TBC1D32: variants seen among roughly 807,000 people sequenced by gnomAD.
TBC1D32 encodes the protein TBC1 domain family member 32.
TBC1D32 carries 151 observed loss-of-function variants against 170.3 expected under a neutral mutation model. The observed-to-expected ratio is 0.89, with a 90% CI of 0.78 to 1.01. The LOEUF is 1.01. Ranked by LOEUF, TBC1D32 falls within the 50% of genes least tolerant of loss-of-function variation. TBC1D32 has a pLI of 0.00. For missense variants in TBC1D32, 1,464 were observed against 1,457.1 expected, an observed-to-expected ratio of 1.00 and a Z score of -0.08; for synonymous variants, 498 against 488.0, an observed-to-expected ratio of 1.02 and a Z score of -0.27.
At chr6:121,161,145 G>A (rs1447452494) in intron 22 of TBC1D32, 89 bp from the exon 23 acceptor site, 5 of 990,610 alleles carry the variant, frequency 5.0e-6, no homozygotes, top group African/African-American at 1.7e-5. Context: ...AAAGAAAAAA[G>A]GCAAAAATAT....
intron 24 of TBC1D32, among the ~76,000 whole-genome samples, chr6:121,159,671 T>G (rs776411093): frequency 6.6e-6 from 1 of 152,168 alleles, no homozygotes; most frequent in Non-Finnish European, 1.5e-5. Flanking sequence ...CTATACAGCA[T>G]GTTACTGTAC....
At position 121,168,712 on chromosome 6, in the gene TBC1D32, TAAAAAAA is replaced by T. The variant is rs59283869; in HGVS notation, c.2571-7663_2571-7657del. Among the ~76,000 whole-genome samples the T allele has an allele frequency of 5.0e-4, 47 of 93,902 alleles. 2 individuals carry two copies. Among genetic ancestry groups the T allele is most frequent in the African/African-American group, 1.4e-3 (39 of 27,788 alleles). The allele number at this position is 93,902 out of a possible 152,430, so 61.6% of individuals were successfully genotyped here. A position where few individuals can be genotyped will look rare whatever the true frequency, so the allele number is the denominator to read the frequency against. On this transcript the variant is annotated intron_variant, in intron 22 of 31. Coordinates refer to ENST00000398212, the MANE Select transcript of TBC1D32 (RefSeq NM_152730.6). ...ATGTACCCTAAAACTTAGAGTATAATAAAAAAAAAAAAAAAAAAAAAATCAACATGCA... is the reference window on the plus strand; with the variant it reads ...ATGTACCCTAAAACTTAGAGTATAATAAAAAAAAAAAAAAATCAACATGCA...
intron 10 of TBC1D32, among the ~76,000 whole-genome samples, chr6:121,296,750 AC>A (rs1156891559): frequency 1.3e-5 from 2 of 151,486 alleles, no homozygotes; most frequent in African/African-American, 4.8e-5. Flanking sequence ...AAAAAACAAA[AC>A]AAAACAAAGT....
At chr6:121,093,611 C>T (rs1777066271) in intron 30 of TBC1D32, among the ~76,000 whole-genome samples, 2 of 152,156 alleles carry the variant, frequency 1.3e-5, no homozygotes, top group African/African-American at 4.8e-5. Context: ...GTCTCAGCTT[C>T]TGTCCACCAT....
At chr6:121,085,577 T>C (rs1776178625) in intron 31 of TBC1D32, among the ~76,000 whole-genome samples, 1 of 151,854 alleles carries the variant, frequency 6.6e-6, no homozygotes, top group African/African-American at 2.4e-5. Context: ...CACAGTTTTA[T>C]GTATTTTAAA....
intron 26 of TBC1D32, among the ~76,000 whole-genome samples, chr6:121,122,089 G>A (rs1780327585): frequency 6.6e-6 from 1 of 151,726 alleles, no homozygotes; most frequent in Non-Finnish European, 1.5e-5. Flanking sequence ...CATCCTCCTA[G>A]TAACTCAGAA....
At chr6:121,104,630 T>C (rs1306436797) in intron 30 of TBC1D32, among the ~76,000 whole-genome samples, 1 of 151,674 alleles carries the variant, frequency 6.6e-6, no homozygotes, top group Non-Finnish European at 1.5e-5. Flanking sequence ...TATAAAAAGA[T>C]ATATATTTAG....
chr6:121,186,170 T>C (rs1217266187), intron 22 of TBC1D32, among the ~76,000 whole-genome samples: 2 of 152,138 alleles, frequency 1.3e-5, no homozygotes, highest in Non-Finnish European at 2.9e-5. Flanking sequence ...CTTCTAATGT[T>C]TGAAGCTTCT....
At chr6:121,120,309 A>G (rs1780125950) in intron 26 of TBC1D32, among the ~76,000 whole-genome samples, 1 of 152,068 alleles carries the variant, frequency 6.6e-6, no homozygotes, top group South Asian at 2.1e-4. Flanking sequence ...TAATTTAGAA[A>G]CATAACAGAG....
chr6:121,196,799 G>A lies in TBC1D32; in HGVS notation c.2570+8276C>T, dbSNP rs575479796. Among the ~76,000 whole-genome samples the A allele has an allele frequency of 1.6e-4, 24 of 152,248 alleles. No homozygotes were observed. The South Asian group carries it at 3.5e-3, about 22-fold the overall frequency. On this transcript the variant is annotated intron_variant, in intron 22 of 31. Coordinates refer to ENST00000398212, the MANE Select transcript of TBC1D32 (RefSeq NM_152730.6). ...TGGGGCAAATTCTACAGAAGGCCAC[G>A]TGTGCTCTGAATCAGCATCCAATAT...
chr6:121,181,905 T>C (rs986292880), intron 22 of TBC1D32, among the ~76,000 whole-genome samples: 2 of 152,110 alleles, frequency 1.3e-5, no homozygotes, highest in Non-Finnish European at 2.9e-5. Context: ...CTTACTCACA[T>C]GTGGGAGTTT....
At chr6:121,081,427 G>A (rs1241024111) in intron 31 of TBC1D32, among the ~76,000 whole-genome samples, 1 of 152,108 alleles carries the variant, frequency 6.6e-6, no homozygotes, top group African/African-American at 2.4e-5. Flanking sequence ...ACAGTTTAGA[G>A]TCTTTTAGGG....
At chr6:121,158,762 T>C (rs1785219408) in intron 24 of TBC1D32, among the ~76,000 whole-genome samples, 1 of 152,180 alleles carries the variant, frequency 6.6e-6, no homozygotes, top group Non-Finnish European at 1.5e-5. Context: ...ATGTTTTTGG[T>C]GTTGTAATTT....
chr6:121,161,131 T>G (rs891208212), intron 22 of TBC1D32, 75 bp from the exon 23 acceptor site: 1 of 1,158,188 alleles, frequency 8.6e-7, no homozygotes, highest in African/African-American at 1.6e-5. Flanking sequence ...AGTCTCTGGA[T>G]TGTAAAGAAA....
rs796538848 is a variant in TBC1D32, at chr6:121,137,158, A to G, written c.2774-5406T>C. Among the ~76,000 whole-genome samples the G allele has an allele frequency of 7.2e-5, 11 of 152,248 alleles. No individual in the cohort carries two copies. In the East Asian group the frequency reaches 9.6e-4, roughly 13 times the overall value. ...ATGAACATTCACTTCTTAAGACTAA[A>G]TAAGAAAGTAATTTATATTTTCTAG... On this transcript the variant is annotated intron_variant, in intron 24 of 31. Transcript: ENST00000398212.
chr6:121,106,718 G>T (rs1778721755), intron 29 of TBC1D32, among the ~76,000 whole-genome samples: 1 of 151,874 alleles, frequency 6.6e-6, no homozygotes, highest in South Asian at 2.1e-4. Context: ...CTCTAAAACT[G>T]GGAAAGAAGT....
chr6:121,124,459 T>C (rs1780617997), intron 26 of TBC1D32, among the ~76,000 whole-genome samples: 1 of 152,152 alleles, frequency 6.6e-6, no homozygotes. Context: ...CAGGATCTTC[T>C]CTTTGTCTTT....
chr6:121,293,806 G>A (rs749156740), intron 11 of TBC1D32, among the ~76,000 whole-genome samples: 6 of 152,118 alleles, frequency 3.9e-5, no homozygotes, highest in Non-Finnish European at 8.8e-5. Flanking sequence ...AGCTACTTGG[G>A]AGGCTGAGGC....
At chr6:121,202,890 A>AT (rs975147006) in intron 22 of TBC1D32, among the ~76,000 whole-genome samples, 1 of 151,458 alleles carries the variant, frequency 6.6e-6, no homozygotes, top group Non-Finnish European at 1.5e-5. Flanking sequence ...ACTAAGCCTC[A>AT]TATTAGCTTC....
Sources: gnomAD v4.1 joint callset for allele counts (sites outside exome capture counted in the v4.1 genomes callset) on GRCh38, gnomAD v4.1.1 for gene constraint, MANE v1.5 for transcripts, NCBI Gene and HGNC (gene_info 2026-07-23, HGNC 2026-07-21) for gene names.